TNIK: variants seen among roughly 807,000 people sequenced by gnomAD.
TNIK encodes TRAF2 and NCK interacting kinase, also known as TRAF2 and NCK-interacting protein kinase.
In TNIK, 49 loss-of-function variants were observed where a neutral mutation model predicts 191.3. The ratio of observed to expected loss-of-function variants is 0.26; its 90% CI spans 0.20 to 0.32. The LOEUF (loss-of-function observed/expected upper bound fraction) is 0.32, where lower values mean the gene tolerates loss of function less well. TNIK is among the 10% of genes least tolerant of loss of function. The pLI is 1.00. For synonymous variants in TNIK, 594 were observed against 600.9 expected, an observed-to-expected ratio of 0.99 and a Z score of 0.17; for missense variants, 1,155 against 1,702.3, an observed-to-expected ratio of 0.68 and a Z score of 5.66.
intron 2 of TNIK, among the ~76,000 whole-genome samples, chr3:171,281,970 A>G (rs1300845230): frequency 6.6e-6 from 1 of 152,206 alleles, no homozygotes; most frequent in Non-Finnish European, 1.5e-5. Context: ...GTACACTAAG[A>G]AATGAAGGTT....
intron 21 of TNIK, 114 bp downstream of exon 21, chr3:171,107,069 A>C: frequency 8.8e-7 from 1 of 1,137,482 alleles, no homozygotes; most frequent in Non-Finnish European, 1.3e-6. Flanking sequence ...AGATTGCTAC[A>C]AATCTCCTCC....
chr3:171,277,546 C>T (rs13065441), intron 2 of TNIK, among the ~76,000 whole-genome samples: 12,923 of 151,814 alleles, frequency 0.085, 620 homozygotes, highest in Middle Eastern at 0.16. Context: ...AAATGTACAA[C>T]GTATCAGCAA....
chr3:171,222,828 G>GGT (rs1471932379), intron 3 of TNIK, among the ~76,000 whole-genome samples: 3 of 151,954 alleles, frequency 2.0e-5, no homozygotes, highest in African/African-American at 7.3e-5. Context: ...GCAATCCTAC[G>GGT]GTGTTACTCT....
intron 2 of TNIK, among the ~76,000 whole-genome samples, chr3:171,250,145 G>T (rs1461343915): frequency 2.0e-5 from 3 of 152,200 alleles, no homozygotes; most frequent in Non-Finnish European, 4.4e-5. Context: ...TGTTCAGGAA[G>T]AATTCCCATT....
intron 6 of TNIK, among the ~76,000 whole-genome samples, chr3:171,189,229 TC>T (rs1362102042): frequency 2.6e-5 from 4 of 152,244 alleles, no homozygotes; most frequent in Admixed American, 2.0e-4. Flanking sequence ...TCAAGGTTCA[TC>T]CACGTTGCAG....
At chr3:171,323,652 G>T (rs1755419795) in intron 2 of TNIK, among the ~76,000 whole-genome samples, 1 of 152,118 alleles carries the variant, frequency 6.6e-6, no homozygotes. Flanking sequence ...CAGTCTGAAG[G>T]GTGGATGAGA....
At chr3:171,457,543 A>C (rs1049430260) in intron 1 of TNIK, among the ~76,000 whole-genome samples, 1 of 152,210 alleles carries the variant, frequency 6.6e-6, no homozygotes, top group Non-Finnish European at 1.5e-5. Context: ...TTAGGAACAA[A>C]TGAGACATCT....
intron 10 of TNIK, among the ~76,000 whole-genome samples, chr3:171,162,766 GTAATA>G (rs1734170603): frequency 6.6e-6 from 1 of 152,226 alleles, no homozygotes; most frequent in African/African-American, 2.4e-5. Context: ...AAGAGGTTAA[GTAATA>G]TAACCAATGT....
intron 1 of TNIK, chr3:171,439,768 C>G (rs1461049505): frequency 6.6e-6 from 1 of 152,286 alleles, no homozygotes; most frequent in East Asian, 1.9e-4. Flanking sequence ...GGACCAAATC[C>G]TGGACCACAA....
intron 2 of TNIK, among the ~76,000 whole-genome samples, chr3:171,324,485 G>A (rs188361063): frequency 2.2e-4 from 33 of 152,166 alleles, no homozygotes; most frequent in Non-Finnish European, 4.1e-4. Context: ...AAATGGCTGA[G>A]TGAGCCCTGT....
At chr3:171,083,594 T>C (rs1465137440) in intron 26 of TNIK, among the ~76,000 whole-genome samples, 2 of 152,222 alleles carry the variant, frequency 1.3e-5, no homozygotes, top group Admixed American at 1.3e-4. Flanking sequence ...AGATTGATGT[T>C]TTAAACTAAA....
At chr3:171,093,666 A>T (rs1053081836) in intron 23 of TNIK, among the ~76,000 whole-genome samples, 173 bp downstream of exon 23, 1 of 152,258 alleles carries the variant, frequency 6.6e-6, no homozygotes, top group African/African-American at 2.4e-5. Context: ...AGAATACAGG[A>T]AAGAAGGCAG....
chr3:171,148,824 C>T (rs894020769), intron 12 of TNIK, among the ~76,000 whole-genome samples: 18 of 152,104 alleles, frequency 1.2e-4, no homozygotes, highest in African/African-American at 3.9e-4. Context: ...CTCGAATCAA[C>T]GAAAAGATAA....
chr3:171,098,283 AT>A (rs1723001696), intron 22 of TNIK, among the ~76,000 whole-genome samples: 1 of 151,642 alleles, frequency 6.6e-6, no homozygotes, highest in East Asian at 1.9e-4. Context: ...CATTCTTTTT[AT>A]TCTATAAAGC....
rs551890853 is a variant in TNIK, at chr3:171,101,691, C to A, written c.2407-58G>T. 4.5e-6 allele frequency: 7 copies of A among 1,551,524 alleles called. No individual in the cohort carries two copies. The African/African-American group carries it at 8.3e-5, about 18-fold the overall frequency. ...GGTAGATACGACCAAAGCTACATCT[C>A]TCAGCAAGTCAGTGCTCCAGCTTAA... On this transcript the variant is annotated intron_variant, in intron 21 of 32. Transcript: ENST00000436636.
At chr3:171,107,698 T>C (rs577408909) in intron 20 of TNIK, among the ~76,000 whole-genome samples, 1 of 152,248 alleles carries the variant, frequency 6.6e-6, no homozygotes, top group South Asian at 2.1e-4. Context: ...GAAAATAATA[T>C]GGGGAAAGAG....
At chr3:171,263,607 CTTTTCCTTTAGGAAT>C (rs1394225940) in intron 2 of TNIK, among the ~76,000 whole-genome samples, 3 of 152,216 alleles carry the variant, frequency 2.0e-5, no homozygotes, top group Non-Finnish European at 2.9e-5. Flanking sequence ...ATAAAACATA[CTTTTCCTTTAGGAAT>C]TTTTCCTTTA....
chr3:171,432,628 T>A (rs1488643931), intron 1 of TNIK, among the ~76,000 whole-genome samples: 1 of 152,166 alleles, frequency 6.6e-6, no homozygotes, highest in African/African-American at 2.4e-5. Flanking sequence ...CTATGAACCA[T>A]CTAAGTTTGG....
At chr3:171,196,244 T>C (rs901604355) in intron 4 of TNIK, among the ~76,000 whole-genome samples, 1 of 152,168 alleles carries the variant, frequency 6.6e-6, no homozygotes, top group Non-Finnish European at 1.5e-5. Context: ...GAAGAAGACA[T>C]AGTAGAAGAA....
Sources: gnomAD v4.1 joint callset for allele counts (sites outside exome capture counted in the v4.1 genomes callset) on GRCh38, gnomAD v4.1.1 for gene constraint, MANE v1.5 for transcripts, NCBI Gene and HGNC (gene_info 2026-07-23, HGNC 2026-07-21) for gene names.